The following MRC2 variants were observed in gnomAD, a reference collection of about 807,000 sequenced individuals.
The protein encoded by MRC2 is C-type mannose receptor 2.
Under a neutral mutation model 206.2 loss-of-function variants are expected in MRC2, and 84 were observed. The ratio of observed to expected loss-of-function variants is 0.41; its 90% CI spans 0.34 to 0.49. MRC2 has a LOEUF of 0.49. Ranked by LOEUF, MRC2 falls within the 20% of genes least tolerant of loss-of-function variation. MRC2 has a pLI of 0.31. For synonymous variants in MRC2, 798 were observed against 800.0 expected, an observed-to-expected ratio of 1.00 and a Z score of 0.04; for missense variants, 1,676 against 2,001.5, an observed-to-expected ratio of 0.84 and a Z score of 3.10.
chr17:62,639,161 C>T (rs2088366604), intron 1 of MRC2, among the ~76,000 whole-genome samples: 1 of 152,050 alleles, frequency 6.6e-6, no homozygotes, highest in African/African-American at 2.4e-5. Flanking sequence ...CATGGTGAAA[C>T]CCCATCTCTA....
rs1297626473 is a variant in MRC2 at position 62,664,066 on chromosome 17, T to G, written c.119-482T>G. ...GCTCCGCCTCCCGGGTTCACGCCAT[T>G]CTCCTGCCTCAGCCTCCCAAGTAGC... On this transcript the variant is annotated intron_variant, in intron 1 of 29. Transcript: ENST00000303375. The surrounding 1 kb of genome is among the most constrained non-coding windows in gnomAD (Gnocchi z 4.7). Among the ~76,000 whole-genome samples, 7 of 149,908 alleles carry G rather than the reference T, an allele frequency of 4.7e-5. No individual in the cohort carries two copies. The highest frequency in any genetic ancestry group is 1.7e-4 in the African/African-American group (7 of 40,608).
rs2088877762 is a variant in MRC2 at position 62,675,335 on chromosome 17, C to A, written c.1570-455C>A. ...CTCGTCTCTGAGCCCCTCCTGCCATCCCCGGGCCAGGAGCATCCTGCGCCG... is the reference window on the plus strand; with the variant it reads ...CTCGTCTCTGAGCCCCTCCTGCCATACCCGGGCCAGGAGCATCCTGCGCCG... On this transcript the variant is annotated intron_variant, in intron 9 of 29. Coordinates refer to ENST00000303375, the MANE Select transcript of MRC2 (RefSeq NM_006039.5). This position sits in a 1 kb window ranked among gnomAD's most constrained non-coding sequence, Gnocchi z 4.1. 6.6e-6 allele frequency among the ~76,000 whole-genome samples: 1 copy of A among 152,212 alleles called. No homozygotes were observed.
intron 1 of MRC2, among the ~76,000 whole-genome samples, chr17:62,651,232 C>T (rs1017437568): frequency 3.1e-4 from 47 of 152,152 alleles, no homozygotes; most frequent in African/African-American, 9.9e-4. Flanking sequence ...TACAGGCGAA[C>T]GCCACCACGC....
intron 1 of MRC2, among the ~76,000 whole-genome samples, chr17:62,638,437 A>T (rs1408778659): frequency 6.6e-6 from 1 of 152,168 alleles, no homozygotes; most frequent in Admixed American, 6.5e-5. Context: ...AGGAATTTTT[A>T]CTTTTAAATG....
chr17:62,689,309 G>A, intron 23 of MRC2: 1 of 580,838 alleles, frequency 1.7e-6, no homozygotes, highest in South Asian at 2.3e-5. Context: ...TGGGTAGGAG[G>A]AGGTCAAGGC....
chr17:62,690,960 G>T lies in MRC2; in HGVS notation c.4024G>T (p.Val1342Phe). 1 of 1,603,506 alleles carries T rather than the reference G, an allele frequency of 6.2e-7. No individual in the cohort carries two copies. The highest frequency in any genetic ancestry group is 8.5e-7 in the Non-Finnish European group (1 of 1,175,980). ...MNFNPKGGTL[V>F]WQDNTAVNYS... Reference sequence around the variant, plus strand: ...CTTCTTTCCTGCAGGAGGCACTCTGGTCTGGCAGGACAACACAGCTGTGAA... The same window carrying T: ...CTTCTTTCCTGCAGGAGGCACTCTGTTCTGGCAGGACAACACAGCTGTGAA... Residue 1342 changes from valine to phenylalanine, a missense_variant, in exon 28 of 30, where the codon GTC (valine) becomes TTC (phenylalanine). Coordinates refer to ENST00000303375, the MANE Select transcript of MRC2 (RefSeq NM_006039.5).
intron 12 of MRC2, among the ~76,000 whole-genome samples, chr17:62,677,834 G>A (rs964363208): frequency 1.3e-5 from 2 of 152,078 alleles, no homozygotes; most frequent in African/African-American, 2.4e-5. Context: ...GGTGGATCAC[G>A]AGGTCAGGAG....
Position 62,667,552 on chromosome 17 carries a change from C to A in MRC2, c.1117+19C>A. 1 of 1,599,014 alleles carries A rather than the reference C, an allele frequency of 6.3e-7. No homozygotes were observed. On this transcript the variant is annotated intron_variant, in intron 6 of 29. Transcript: ENST00000303375. This position sits in a 1 kb window ranked among gnomAD's most constrained non-coding sequence, Gnocchi z 4.1. ...CCTCCAGGTGAGCCAGGGACTGTGC[C>A]GCAGGGTGGGGAGGGGCTCCCAGGG...
rs1264097160 is a variant in MRC2 at position 62,677,463 on chromosome 17, A to G, written c.2029A>G (p.Thr677Ala). ...GSCPQGWASD[T>A]KLRYCYKVFS... Reference sequence around the variant, plus strand: ...CTGTCCCCAGGGCTGGGCCTCGGACACCAAACTCCGGTATTGCTATAAGGT... The same window carrying G: ...CTGTCCCCAGGGCTGGGCCTCGGACGCCAAACTCCGGTATTGCTATAAGGT... The change falls in exon 12 of 30, where the codon ACC (threonine) becomes GCC (alanine). Residue 677 changes from threonine to alanine, a missense_variant. This residue lies in a region of MRC2 where 1,354 missense variants were observed against 1,636.6 expected (regional missense o/e 0.83). Transcript: ENST00000303375. 1 of 1,606,442 alleles carries G rather than the reference A, an allele frequency of 6.2e-7. No individual in the cohort carries two copies. The highest frequency in any genetic ancestry group is 1.3e-5 in the African/African-American group (1 of 74,836).
Position 62,678,496 on chromosome 17 carries a change from C to A in MRC2, c.2053-8C>A. ...GACAGCTTAGACAGCTGGACTCTGCCCCTGCAGGTGTTCAGCTCAGAGCGG... is the reference window on the plus strand; with the variant it reads ...GACAGCTTAGACAGCTGGACTCTGCACCTGCAGGTGTTCAGCTCAGAGCGG... On this transcript the variant is annotated splice_region_variant and splice_polypyrimidine_tract_variant and intron_variant, in intron 12 of 29. Coordinates refer to ENST00000303375, the MANE Select transcript of MRC2 (RefSeq NM_006039.5). 1.2e-6 allele frequency: 2 copies of A among 1,611,474 alleles called. No individual in the cohort carries two copies. Among genetic ancestry groups the A allele is most frequent in the Admixed American group, 1.7e-5 (1 of 59,590 alleles).
At position 62,669,173 on chromosome 17, in the gene MRC2, C is replaced by T. The variant is rs369961174; in HGVS notation, c.1117+1640C>T. 1.6e-4 allele frequency among the ~76,000 whole-genome samples: 24 copies of T among 152,042 alleles called. No homozygotes were observed. The East Asian group carries it at 4.3e-3, about 27-fold the overall frequency. On this transcript the variant is annotated intron_variant, in intron 6 of 29. Coordinates refer to ENST00000303375, the MANE Select transcript of MRC2 (RefSeq NM_006039.5). ...GAGTTTACAGAGCAAAACTTCTGCTCCTGACCATGGAAGTCTTGCCAATGA... is the reference window on the plus strand; with the variant it reads ...GAGTTTACAGAGCAAAACTTCTGCTTCTGACCATGGAAGTCTTGCCAATGA...
chr17:62,632,487 T>C (rs1257159659), intron 1 of MRC2, among the ~76,000 whole-genome samples: 10 of 152,176 alleles, frequency 6.6e-5, no homozygotes, highest in African/African-American at 2.4e-4. Context: ...GTTTTTGTTG[T>C]AGAAGAAGGA....
chr17:62,680,786 C>A lies in MRC2; in HGVS notation c.2474-14C>A. On this transcript the variant is annotated splice_polypyrimidine_tract_variant and intron_variant, in intron 16 of 29. Transcript: ENST00000303375. The surrounding 1 kb of genome is among the most constrained non-coding windows in gnomAD (Gnocchi z 4.8). ...TGCCTGGCCGCCGCTCCCACGCCCG[C>A]GCTGCTCCTGCAGGCCGACGGGAAT... is the stretch of plus-strand genomic sequence containing the variant. The A allele has an allele frequency of 6.3e-7, 1 of 1,596,232 alleles. No homozygotes were observed. The highest frequency in any genetic ancestry group is 1.1e-5 in the South Asian group (1 of 88,262).
Position 62,671,830 on chromosome 17 carries a change from C to T in MRC2, c.1299C>T (p.Ile433=). Residue 433 remains isoleucine, a synonymous_variant, in exon 7 of 30, where the codon ATC becomes ATT. Coordinates refer to ENST00000303375, the MANE Select transcript of MRC2 (RefSeq NM_006039.5). This position sits in a 1 kb window ranked among gnomAD's most constrained non-coding sequence, Gnocchi z 4.5. ...AGCTGGAATTCATCACCAAGCAGAT[C>T]AAGCAAGGTGAGGAGCTGCCCGCCC... is the stretch of plus-strand genomic sequence containing the variant. ...MAELEFITKQ[I]KQEVEELWIG... is the part of the protein sequence containing the mutation. The T allele has an allele frequency of 6.3e-7, 1 of 1,597,214 alleles. No individual in the cohort carries two copies. Among genetic ancestry groups the T allele is most frequent in the South Asian group, 1.1e-5 (1 of 88,942 alleles).
In MRC2 at chr17:62,627,932, C is replaced by A; in HGVS notation, c.118+12C>A. Reference sequence around the variant, plus strand: ...CGCCGCCCTCCCGGGTAAGGCGCTGCCAACTTGGCCAACTTCAGGGCCCGG... The same window carrying A: ...CGCCGCCCTCCCGGGTAAGGCGCTGACAACTTGGCCAACTTCAGGGCCCGG... On this transcript the variant is annotated intron_variant, in intron 1 of 29. Transcript: ENST00000303375. 7.1e-7 allele frequency: 1 copy of A among 1,412,294 alleles called. No homozygotes were observed. Among genetic ancestry groups the A allele is most frequent in the Non-Finnish European group, 9.2e-7 (1 of 1,090,704 alleles). 87.5% of individuals were successfully genotyped at this position (1,412,294 alleles called of 1,614,324 possible).
chr17:62,660,263 G>A (rs1371417776), intron 1 of MRC2, among the ~76,000 whole-genome samples: 2 of 152,162 alleles, frequency 1.3e-5, no homozygotes, highest in African/African-American at 4.8e-5. Flanking sequence ...TACAGAAAGT[G>A]GCAGTTTTAC....
chr17:62,692,460 G>A lies in MRC2; in HGVS notation c.*9G>A, dbSNP rs1248861413. The A allele has an allele frequency of 8.4e-6, 13 of 1,551,554 alleles. No homozygotes were observed. Among genetic ancestry groups the A allele is most frequent in the East Asian group, 2.4e-5 (1 of 41,390 alleles). On this transcript the variant is annotated 3_prime_UTR_variant, in exon 30 of 30. Transcript: ENST00000303375. The surrounding 1 kb of genome is among the most constrained non-coding windows in gnomAD (Gnocchi z 4.2). ...ATGAGCAACAAGAATAGAGCCAGGCGCGTGGGCAGGGCCAGGGCGGGAGGA... is the reference window on the plus strand; with the variant it reads ...ATGAGCAACAAGAATAGAGCCAGGCACGTGGGCAGGGCCAGGGCGGGAGGA...
rs1598987706 is a variant in MRC2 at position 62,672,573 on chromosome 17, C to A, written c.1461+421C>A. Among the ~76,000 whole-genome samples, 1 of 152,218 alleles carries A rather than the reference C, an allele frequency of 6.6e-6. No homozygotes were observed. The highest frequency in any genetic ancestry group is 1.9e-4 in the East Asian group (1 of 5,202). ...CCTCGCCCCCAGTGCTCTACCCAGTCCAGGGTCCTGTCATCTCAAGAGATT... is the reference window on the plus strand; with the variant it reads ...CCTCGCCCCCAGTGCTCTACCCAGTACAGGGTCCTGTCATCTCAAGAGATT... On this transcript the variant is annotated intron_variant, in intron 8 of 29. Transcript: ENST00000303375. This position sits in a 1 kb window ranked among gnomAD's most constrained non-coding sequence, Gnocchi z 4.5.
Position 62,688,670 on chromosome 17 carries a change from G to T in MRC2, c.3225+6G>T, listed in dbSNP as rs1484863882. The T allele has an allele frequency of 6.2e-7, 1 of 1,613,162 alleles. No homozygotes were observed. Among genetic ancestry groups the T allele is most frequent in the East Asian group, 2.2e-5 (1 of 44,876 alleles). ...CTCCCAGTGGCAACAAACCGGTGAGGATGCCCTCCCTGTTCCCCTCCGCAC... is the reference window on the plus strand; with the variant it reads ...CTCCCAGTGGCAACAAACCGGTGAGTATGCCCTCCCTGTTCCCCTCCGCAC... On this transcript the variant is annotated splice_donor_region_variant and intron_variant, in intron 22 of 29. Coordinates refer to ENST00000303375, the MANE Select transcript of MRC2 (RefSeq NM_006039.5).
Sources: gnomAD v4.1 joint callset for allele counts (sites outside exome capture counted in the v4.1 genomes callset) on GRCh38, gnomAD v4.1.1 for gene constraint, gnomAD v4.1.1 regional missense constraint, Gnocchi (gnomAD v3.1) non-coding constraint, MANE v1.5 for transcripts, NCBI Gene and HGNC (gene_info 2026-07-23, HGNC 2026-07-21) for gene names.